The following NR2C2 variants were observed in gnomAD, a reference collection of about 807,000 sequenced individuals.
The protein encoded by NR2C2 is nuclear receptor subfamily 2 group C member 2.
Under a neutral mutation model 62.9 loss-of-function variants are expected in NR2C2, and 6 were observed. The ratio of observed to expected loss-of-function variants is 0.10; its 90% CI spans 0.05 to 0.19. The LOEUF is 0.19. Ranked by LOEUF, NR2C2 falls within the 10% of genes least tolerant of loss-of-function variation. NR2C2 has a pLI of 1.00. For synonymous variants in NR2C2, 272 were observed against 273.8 expected (o/e 0.99, Z 0.07); for missense variants, 479 against 762.7 (o/e 0.63, Z 4.38).
At chr3:15,036,933 C>A (rs556322452) in intron 11 of NR2C2, among the ~76,000 whole-genome samples, 131 of 152,118 alleles carry the variant, frequency 8.6e-4, no homozygotes, top group African/African-American at 2.8e-3. Context: ...ATCAGCCTAG[C>A]CAACATGGTG....
At chr3:14,973,847 T>G (rs1399372029) in intron 1 of NR2C2, among the ~76,000 whole-genome samples, 1 of 152,200 alleles carries the variant, frequency 6.6e-6, no homozygotes, top group Non-Finnish European at 1.5e-5. Context: ...CGGATGTTCC[T>G]TGGTTTACAG....
intron 1 of NR2C2, among the ~76,000 whole-genome samples, chr3:14,998,314 C>T (rs2040890613): frequency 1.3e-5 from 2 of 152,168 alleles, no homozygotes; most frequent in Admixed American, 1.3e-4. Flanking sequence ...CATATGGCAA[C>T]TCTGTGTTTA....
rs113120181 is a variant in NR2C2 at position 14,958,908 on chromosome 3, G to A, written c.-40+11002G>A. ...GGAGAATCGCTTGAACCAGGGAGTC[G>A]GAGGTTGCAGTGAGCCGAGATCGTG... On this transcript the variant is annotated intron_variant, in intron 1 of 13. Coordinates refer to ENST00000425241, the MANE Select transcript of NR2C2 (RefSeq NM_001291694.2). Among the ~76,000 whole-genome samples the A allele has an allele frequency of 4.7e-3, 719 of 152,320 alleles. 4 individuals carry two copies. Among genetic ancestry groups the A allele is most frequent in the Non-Finnish European group, 8.1e-3 (550 of 68,032 alleles).
intron 1 of NR2C2, among the ~76,000 whole-genome samples, chr3:14,994,830 G>A (rs536450059): frequency 6.0e-5 from 9 of 150,270 alleles, no homozygotes; most frequent in South Asian, 4.2e-4. Context: ...CAGGAGGATC[G>A]CTTGAGCCCA....
intron 1 of NR2C2, among the ~76,000 whole-genome samples, chr3:14,989,825 G>A (rs560819842): frequency 4.0e-5 from 6 of 149,114 alleles, no homozygotes; most frequent in South Asian, 2.1e-4. Context: ...CCAGCTACTC[G>A]AGAGGTGGAG....
chr3:15,003,825 C>G (rs1365439457), intron 1 of NR2C2, 51 bp from the exon 2 acceptor site: 3 of 1,249,038 alleles, frequency 2.4e-6, no homozygotes, highest in Non-Finnish European at 3.5e-6. Flanking sequence ...CAGGCCACCT[C>G]TGGGCATCAT....
intron 1 of NR2C2, among the ~76,000 whole-genome samples, chr3:14,977,978 A>G (rs2040256549): frequency 6.6e-6 from 1 of 152,050 alleles, no homozygotes; most frequent in Non-Finnish European, 1.5e-5. Context: ...AAGAAGAAGA[A>G]GAACAGACTT....
intron 1 of NR2C2, among the ~76,000 whole-genome samples, chr3:14,958,983 T>C (rs182085638): frequency 1.8e-4 from 28 of 152,264 alleles, no homozygotes; most frequent in Middle Eastern, 3.4e-3. Flanking sequence ...TCAAAAAATA[T>C]ATATATATAA....
chr3:15,025,396 G>A (rs777527683), intron 7 of NR2C2, among the ~76,000 whole-genome samples: 6 of 152,178 alleles, frequency 3.9e-5, no homozygotes, highest in African/African-American at 7.2e-5. Flanking sequence ...TTCAATAAAT[G>A]TTAATGGTTA....
chr3:15,019,598 G>T lies in NR2C2; in HGVS notation c.377-1155G>T, dbSNP rs2041613306. On this transcript the variant is annotated intron_variant, in intron 4 of 13. Transcript: ENST00000425241. Reference sequence around the variant, plus strand: ...AATACATAAAACTGAATGAAATCCTGCACTTTGTGACAACATAGATGAACA... The same window carrying T: ...AATACATAAAACTGAATGAAATCCTTCACTTTGTGACAACATAGATGAACA... Among the ~76,000 whole-genome samples, 3 of 152,152 alleles carry T rather than the reference G, an allele frequency of 2.0e-5. No individual in the cohort carries two copies. In the South Asian group the frequency reaches 6.2e-4, roughly 32 times the overall value.
Position 14,980,607 on chromosome 3 carries a change from C to G in NR2C2, c.-39-23269C>G, listed in dbSNP as rs569845896. 2.0e-5 allele frequency among the ~76,000 whole-genome samples: 3 copies of G among 152,228 alleles called. No homozygotes were observed. In the East Asian group the frequency reaches 5.8e-4, roughly 29 times the overall value. On this transcript the variant is annotated intron_variant, in intron 1 of 13. Coordinates refer to ENST00000425241, the MANE Select transcript of NR2C2 (RefSeq NM_001291694.2). ...GGCTTGGAATAGACCAGAGAACTAA[C>G]AAAAATAATAACAGTCCTAATAAAA...
chr3:14,992,203 C>T (rs2040692299), intron 1 of NR2C2, among the ~76,000 whole-genome samples: 1 of 152,086 alleles, frequency 6.6e-6, no homozygotes, highest in South Asian at 2.1e-4. Context: ...AAAAACCCTG[C>T]TGCCAAAGCA....
rs576947605 is a variant in NR2C2 at position 15,046,435 on chromosome 3, C to G, written c.*3427C>G. The G allele has an allele frequency of 6.6e-6, 1 of 152,238 alleles. No homozygotes were observed. Among genetic ancestry groups the G allele is most frequent in the Non-Finnish European group, 1.5e-5 (1 of 68,040 alleles). The allele number at this position is 152,238 out of a possible 1,614,324, so 9.4% of individuals were successfully genotyped here. On this transcript the variant is annotated 3_prime_UTR_variant, in exon 14 of 14. Transcript: ENST00000425241. ...GTCTTACTTGTTTGGGGGATAGTTA[C>G]GGCAAGGAGCAAAAAATTCTAAGGA...
At chr3:14,976,008 A>G (rs1449223491) in intron 1 of NR2C2, among the ~76,000 whole-genome samples, 2 of 152,110 alleles carry the variant, frequency 1.3e-5, no homozygotes, top group South Asian at 2.1e-4. Context: ...TCCTGGGCTC[A>G]GGCAATCTTC....
At chr3:14,984,696 G>GAAGTA (rs1193256986) in intron 1 of NR2C2, among the ~76,000 whole-genome samples, 1 of 152,150 alleles carries the variant, frequency 6.6e-6, no homozygotes, top group Admixed American at 6.5e-5. Context: ...CCTGTTGATG[G>GAAGTA]ACATTTGGGT....
At chr3:14,990,884 C>G (rs1183419704) in intron 1 of NR2C2, among the ~76,000 whole-genome samples, 1 of 152,180 alleles carries the variant, frequency 6.6e-6, no homozygotes, top group Non-Finnish European at 1.5e-5. Flanking sequence ...CTATGCTAAG[C>G]TCTTAGCAAA....
At chr3:14,961,467 G>GGT (rs1465675667) in intron 1 of NR2C2, among the ~76,000 whole-genome samples, 3 of 152,130 alleles carry the variant, frequency 2.0e-5, no homozygotes, top group African/African-American at 7.2e-5. Context: ...TGTAAATCTT[G>GGT]GTAATAGATT....
At chr3:14,956,830 C>T (rs535002416) in intron 1 of NR2C2, among the ~76,000 whole-genome samples, 4 of 152,210 alleles carry the variant, frequency 2.6e-5, no homozygotes, top group African/African-American at 7.2e-5. Context: ...CATGAGCCAC[C>T]GCCCCGGCTG....
chr3:14,963,030 G>A (rs1251564326), intron 1 of NR2C2, among the ~76,000 whole-genome samples: 2 of 152,170 alleles, frequency 1.3e-5, no homozygotes, highest in Non-Finnish European at 2.9e-5. Flanking sequence ...TGATCCTGGA[G>A]GTGGATCTTC....
Sources: allele counts gnomAD v4.1 joint callset (sites outside exome capture counted in the v4.1 genomes callset), GRCh38; gene constraint gnomAD v4.1.1; transcripts MANE v1.5; gene names NCBI Gene and HGNC (gene_info 2026-07-23, HGNC 2026-07-21).